ZNF764: variants seen among roughly 807,000 people sequenced by gnomAD.
ZNF764 encodes zinc finger protein 764.
Under a neutral mutation model 13.9 loss-of-function variants are expected in ZNF764, and 10 were observed. The observed-to-expected ratio is 0.72, with a 90% CI of 0.44 to 1.22. The LOEUF is 1.22. Ranked by LOEUF, ZNF764 falls within the 50% of genes most tolerant of loss-of-function variation. The pLI, the probability that ZNF764 is intolerant of heterozygous loss-of-function variation, is 0.00. For missense variants in ZNF764, 647 were observed against 589.7 expected (o/e 1.10, Z -1.01); for synonymous variants, 313 against 255.1 (o/e 1.23, Z -2.16).
In ZNF764 at chr16:30,557,769, G is replaced by T. The variant is rs771002678; in HGVS notation, c.274C>A (p.Pro92Thr). The change falls in exon 2 of 3, where the codon CCG (proline) becomes ACG (threonine). Residue 92 changes from proline to threonine, a missense_variant. Transcript: ENST00000395091. The stretch of plus-strand genomic sequence containing the variant: ...TGTGTCTGACATTTCGCCACCTCCG[G>T]ATCCTGGGCAGCCGGACCCCACAGT... ...AELWGPAAQD[P>T]EVAKCQTQTD... The T allele has an allele frequency of 1.9e-6, 3 of 1,613,442 alleles. No homozygotes were observed. Among genetic ancestry groups the T allele is most frequent in the South Asian group, 2.2e-5 (2 of 90,946 alleles).
rs767829354 is a variant in ZNF764 at position 30,555,977 on chromosome 16, C to A, written c.441G>T (p.Trp147Cys). 1 of 1,612,142 alleles carries A rather than the reference C, an allele frequency of 6.2e-7. No homozygotes were observed. Among genetic ancestry groups the A allele is most frequent in the South Asian group, 1.1e-5 (1 of 91,068 alleles). Reference protein sequence around the residue: ...QAPSAGPPYGWEQLSKAPHRG... With the variant: ...QAPSAGPPYGCEQLSKAPHRG... ...GGTGCGGTGCCTTGGACAGCTGCTCCCAACCATAAGGGGGCCCGGCCGAGG... is the reference window on the plus strand; with the variant it reads ...GGTGCGGTGCCTTGGACAGCTGCTCACAACCATAAGGGGGCCCGGCCGAGG... Residue 147 changes from tryptophan (W) to cysteine (C), a missense_variant, in exon 3 of 3, where the codon TGG (tryptophan) becomes TGT (cysteine). Coordinates refer to ENST00000395091, the MANE Select transcript of ZNF764 (RefSeq NM_001172679.2).
Position 30,555,850 on chromosome 16 carries a change from C to G in ZNF764, c.568G>C (p.Val190Leu). ...GKSFAWRSTL[V>L]EHVYSHTGEK... ...CCAGTGTGACTGTAGACGTGCTCCA[C>G]CAGTGTGGAGCGCCAGGCAAAGCTC... The change falls in exon 3 of 3, where the codon GTG (valine) becomes CTG (leucine). Residue 190 changes from valine (V) to leucine (L), a missense_variant. Transcript: ENST00000395091. The G allele has an allele frequency of 1.2e-6, 2 of 1,612,518 alleles. No homozygotes were observed. The highest frequency in any genetic ancestry group is 1.7e-6 in the Non-Finnish European group (2 of 1,179,882).
chr16:30,557,534 G>A (rs970991012), intron 2 of ZNF764, among the ~76,000 whole-genome samples, 199 bp downstream of exon 2: 1 of 152,174 alleles, frequency 6.6e-6, no homozygotes, highest in East Asian at 1.9e-4. Flanking sequence ...TCAGAGGCGG[G>A]TATGGCAGGG....
At chr16:30,557,301 G>A (rs1182474488) in intron 2 of ZNF764, among the ~76,000 whole-genome samples, 2 of 151,646 alleles carry the variant, frequency 1.3e-5, no homozygotes, top group Non-Finnish European at 2.9e-5. Flanking sequence ...GTAAAACTCT[G>A]TCTAAAAAAA....
At position 30,555,496 on chromosome 16, in the gene ZNF764, G is replaced by A; in HGVS notation, c.922C>T (p.His308Tyr). The change falls in exon 3 of 3, where the codon CAC (histidine) becomes TAC (tyrosine). Residue 308 changes from histidine (H) to tyrosine (Y), a missense_variant. By Grantham distance (83) the His-to-Tyr change is moderately conservative. Coordinates refer to ENST00000395091, the MANE Select transcript of ZNF764 (RefSeq NM_001172679.2). ...PSDLRRHVRT[H>Y]TGEKPYPCPD... is the part of the protein sequence containing the mutation. ...CACGGGTAGGGCTTCTCGCCGGTGT[G>A]GGTGCGCACGTGGCGCCGCAGGTCC... 6.5e-7 allele frequency: 1 copy of A among 1,543,344 alleles called. No homozygotes were observed.
In ZNF764 at chr16:30,555,053, G is replaced by A. The variant is rs1257279475; in HGVS notation, c.*141C>T. 1 of 994,668 alleles carries A rather than the reference G, an allele frequency of 1.0e-6. No individual in the cohort carries two copies. The highest frequency in any genetic ancestry group is 1.4e-6 in the Non-Finnish European group (1 of 695,814). 61.6% of individuals were successfully genotyped at this position (994,668 alleles called of 1,614,324 possible). ...GGTGCTGGCAGAGGAGGCTGCTAAG[G>A]GCCCAAGATCAGACTGTCCGCACCC... On this transcript the variant is annotated 3_prime_UTR_variant, in exon 3 of 3. Coordinates refer to ENST00000395091, the MANE Select transcript of ZNF764 (RefSeq NM_001172679.2).
rs774560953 is a variant in ZNF764, at chr16:30,555,466, C to T, written c.952G>A (p.Asp318Asn). ...CTCTGGCGGAAGCAGCGCCCGCAGT[C>T]CGGGCACGGGTAGGGCTTCTCGCCG... Reference protein sequence around the residue: ...HTGEKPYPCPDCGRCFRQSSE... With the variant: ...HTGEKPYPCPNCGRCFRQSSE... Residue 318 changes from aspartate (D) to asparagine (N), a missense_variant, in exon 3 of 3, where the codon GAC becomes AAC. Asp to Asn is a conservative substitution (Grantham distance 23). Coordinates refer to ENST00000395091, the MANE Select transcript of ZNF764 (RefSeq NM_001172679.2). 6 of 1,558,626 alleles carry T rather than the reference C, an allele frequency of 3.8e-6. No individual in the cohort carries two copies. The highest frequency in any genetic ancestry group is 5.2e-6 in the Non-Finnish European group (6 of 1,155,402).
In ZNF764 at chr16:30,554,152, G is replaced by A. The variant is rs1412819112; in HGVS notation, c.*1042C>T. On this transcript the variant is annotated 3_prime_UTR_variant, in exon 3 of 3. Coordinates refer to ENST00000395091, the MANE Select transcript of ZNF764 (RefSeq NM_001172679.2). ...GCCTAGGTCGAGTTGCCAAATCTTT[G>A]GATTTTTCAAAAGACACCAGAAAAC... 2 of 152,048 alleles carry A rather than the reference G, an allele frequency of 1.3e-5. No individual in the cohort carries two copies. Among genetic ancestry groups the A allele is most frequent in the Non-Finnish European group, 1.5e-5 (1 of 68,000 alleles). 9.4% of individuals were successfully genotyped at this position (152,048 alleles called of 1,614,324 possible).
At position 30,554,844 on chromosome 16, in the gene ZNF764, T is replaced by TA. The variant is rs1208312086; in HGVS notation, c.*349dup. 1.6e-5 allele frequency: 4 copies of TA among 253,860 alleles called. No individual in the cohort carries two copies. In the East Asian group the frequency reaches 3.0e-4, roughly 19 times the overall value. The allele number at this position is 253,860 out of a possible 1,614,324, so 15.7% of individuals were successfully genotyped here. On this transcript the variant is annotated 3_prime_UTR_variant, in exon 3 of 3. Transcript: ENST00000395091. ...TTGTGTTCTGGGAGGGTCACAAGAA[T>TA]AAAAATAATGATAAAAAATTTAAAA...
At chr16:30,557,546 C>CA (rs1295796701) in intron 2 of ZNF764, among the ~76,000 whole-genome samples, 187 bp downstream of exon 2, 3 of 152,176 alleles carry the variant, frequency 2.0e-5, no homozygotes, top group African/African-American at 7.2e-5. Context: ...ATGGCAGGGC[C>CA]AGAGCCCCCA....
At chr16:30,556,456 C>T (rs1407535288) in intron 2 of ZNF764, among the ~76,000 whole-genome samples, 1 of 151,838 alleles carries the variant, frequency 6.6e-6, no homozygotes, top group Admixed American at 6.6e-5. Flanking sequence ...GGGCTGGATA[C>T]TCTGCAAAGG....
rs776798405 is a variant in ZNF764 at position 30,555,389 on chromosome 16, G to A, written c.1029C>T (p.Pro343=). 39 of 1,581,812 alleles carry A rather than the reference G, an allele frequency of 2.5e-5. No individual in the cohort carries two copies. In the Admixed American group the frequency reaches 4.4e-4, roughly 18 times the overall value. ...RRTHSGEKPY[P]CPQCGRRFGQ... ...CAAAGCGGCGGCCGCACTGCGGGCA[G>A]GGGTAGGGCTTCTCGCCGCTGTGGG... Residue 343 remains proline, a synonymous_variant, in exon 3 of 3, where the codon CCC becomes CCT. Coordinates refer to ENST00000395091, the MANE Select transcript of ZNF764 (RefSeq NM_001172679.2).
intron 2 of ZNF764, 97 bp from the exon 3 acceptor site, chr16:30,556,204 G>A (rs1442924518): frequency 1.1e-5 from 16 of 1,427,970 alleles, no homozygotes; most frequent in South Asian, 3.5e-5. Context: ...CTGGATCCCC[G>A]GCTGCTCCTG....
rs772539887 is a variant in ZNF764, at chr16:30,555,308, G to A, written c.1110C>T (p.Gly370=). The A allele has an allele frequency of 9.9e-6, 16 of 1,610,524 alleles. No homozygotes were observed. The highest frequency in any genetic ancestry group is 1.2e-5 in the Non-Finnish European group (14 of 1,178,584). The change falls in exon 3 of 3, where the codon GGC becomes GGT. Residue 370 remains glycine, a synonymous_variant. Coordinates refer to ENST00000395091, the MANE Select transcript of ZNF764 (RefSeq NM_001172679.2). ...HQWVHRPGAG[G]HRGRVAGRLS... is the part of the protein sequence containing the mutation. ...GACGCCCGGCGACCCGGCCCCTGTGGCCCCCGGCCCCGGGCCGATGAACCC... is the reference window on the plus strand; with the variant it reads ...GACGCCCGGCGACCCGGCCCCTGTGACCCCCGGCCCCGGGCCGATGAACCC...
Position 30,558,276 on chromosome 16 carries a change from G to T in ZNF764, c.-94C>A. 1 of 1,400,088 alleles carries T rather than the reference G, an allele frequency of 7.1e-7. No individual in the cohort carries two copies. The highest frequency in any genetic ancestry group is 9.4e-7 in the Non-Finnish European group (1 of 1,064,300). 86.7% of individuals were successfully genotyped at this position (1,400,088 alleles called of 1,614,324 possible). Reference sequence around the variant, plus strand: ...GCGCCCGAGAAAGCCTCCCCGGCCCGGGCCCAAGGGAAGGAGGGAGGTTAC... The same window carrying T: ...GCGCCCGAGAAAGCCTCCCCGGCCCTGGCCCAAGGGAAGGAGGGAGGTTAC... On this transcript the variant is annotated 5_prime_UTR_variant, in exon 1 of 3. Transcript: ENST00000395091.
In ZNF764 at chr16:30,555,176, TAG is replaced by T. The variant is rs753128440; in HGVS notation, c.*16_*17del. 1 of 1,592,500 alleles carries T rather than the reference TAG, an allele frequency of 6.3e-7. No homozygotes were observed. The highest frequency in any genetic ancestry group is 8.5e-7 in the Non-Finnish European group (1 of 1,170,102). The stretch of plus-strand genomic sequence containing the variant: ...TCTCGGGCCTCCCGTAATGTCTAGA[TAG>T]TCACTTTTAAGGCCGTCACCCACAC... On this transcript the variant is annotated 3_prime_UTR_variant, in exon 3 of 3. Coordinates refer to ENST00000395091, the MANE Select transcript of ZNF764 (RefSeq NM_001172679.2).
chr16:30,556,527 A>T (rs974071796), intron 2 of ZNF764, among the ~76,000 whole-genome samples: 17 of 152,050 alleles, frequency 1.1e-4, no homozygotes, highest in Non-Finnish European at 2.5e-4. Flanking sequence ...ACCAGCCTGC[A>T]GGTGAACGGC....
At position 30,558,030 on chromosome 16, in the gene ZNF764, G is replaced by A. The variant is rs773206326; in HGVS notation, c.153C>T (p.Tyr51=). Residue 51 remains tyrosine (Y), a synonymous_variant, in exon 1 of 3, where the codon TAC becomes TAT. Transcript: ENST00000395091. ...CGTAGGTCTCCCGCATCACGTCCCG[G>A]TACAGGGCCCTCTGCGCTGGCCGCA... The part of the protein sequence containing the change: ...GCLRPAQRAL[Y]RDVMRETYGH... The A allele has an allele frequency of 8.6e-5, 138 of 1,611,310 alleles. No homozygotes were observed. The highest frequency in any genetic ancestry group is 1.3e-4 in the Admixed American group (8 of 59,706).
chr16:30,556,405 C>A (rs2051556973), intron 2 of ZNF764, among the ~76,000 whole-genome samples: 1 of 151,848 alleles, frequency 6.6e-6, no homozygotes, highest in Non-Finnish European at 1.5e-5. Context: ...AGGAACAGCA[C>A]CAAGAAAGGC....
Sources: gnomAD v4.1 joint callset for allele counts (sites outside exome capture counted in the v4.1 genomes callset) on GRCh38, gnomAD v4.1.1 for gene constraint, MANE v1.5 for transcripts, NCBI Gene and HGNC (gene_info 2026-07-23, HGNC 2026-07-21) for gene names.